The following SCIN variants were observed in gnomAD, a reference collection of about 807,000 sequenced individuals.
SCIN encodes the protein adseverin.
Under a neutral mutation model 91.8 loss-of-function variants are expected in SCIN, and 91 were observed. The ratio of observed to expected loss-of-function variants is 0.99; its 90% CI spans 0.84 to 1.18. The LOEUF is 1.18. Among genes scored for constraint, SCIN ranks in the 50% most tolerant of loss-of-function variants. SCIN has a pLI of 0.00. For synonymous variants in SCIN, 367 were observed against 312.6 expected (o/e 1.17, Z -1.84); for missense variants, 1,087 against 863.9 (o/e 1.26, Z -3.24).
In SCIN at chr7:12,657,211, ATTTTTTTTTTT is replaced by A. The variant is rs57131728; in HGVS notation, c.*4511_*4521del. On this transcript the variant is annotated 3_prime_UTR_variant, in exon 16 of 16. Coordinates refer to ENST00000297029, the MANE Select transcript of SCIN (RefSeq NM_001112706.3). ...TGTGTGTACTAAAGGATATAATATG[ATTTTTTTTTTT>A]TTTTTTTTTTTTTTGAGATAGGTTC... 1.2e-5 allele frequency: 1 copy of A among 82,544 alleles called. No homozygotes were observed. The highest frequency in any genetic ancestry group is 1.7e-4 in the Admixed American group (1 of 6,042). The allele number at this position is 82,544 out of a possible 1,614,324, so 5.1% of individuals were successfully genotyped here.
intron 9 of SCIN, among the ~76,000 whole-genome samples, chr7:12,634,838 A>G (rs1274144152): frequency 1.3e-5 from 2 of 152,174 alleles, no homozygotes; most frequent in African/African-American, 4.8e-5. Flanking sequence ...GGACATGTTG[A>G]TTGACCCTTA....
At chr7:12,630,509 T>G (rs1783619542) in intron 9 of SCIN, among the ~76,000 whole-genome samples, 1 of 152,214 alleles carries the variant, frequency 6.6e-6, no homozygotes, top group African/African-American at 2.4e-5. Context: ...ATCCTGAGAT[T>G]CTAATCTATA....
intron 3 of SCIN, among the ~76,000 whole-genome samples, chr7:12,593,729 T>C (rs1782776493): frequency 6.6e-6 from 1 of 152,102 alleles, no homozygotes; most frequent in African/African-American, 2.4e-5. Context: ...AGTAATCATA[T>C]GGCTACAGTA....
At chr7:12,591,572 G>A (rs1367869564) in intron 3 of SCIN, among the ~76,000 whole-genome samples, 19 of 152,134 alleles carry the variant, frequency 1.2e-4, no homozygotes, top group Admixed American at 5.2e-4. Context: ...AGGTAAGGAC[G>A]GAGCTGACGC....
In SCIN at chr7:12,657,583, T is replaced by A. The variant is rs1233899140; in HGVS notation, c.*4868T>A. 14 of 100,978 alleles carry A rather than the reference T, an allele frequency of 1.4e-4. No individual in the cohort carries two copies. Among genetic ancestry groups the A allele is most frequent in the African/African-American group, 4.9e-4 (10 of 20,558 alleles). The allele number at this position is 100,978 out of a possible 1,614,324, so 6.3% of individuals were successfully genotyped here. A position where few individuals can be genotyped will look rare whatever the true frequency, so the allele number is the denominator to read the frequency against. ...ATATATATATATATATTTTTTTTTT[T>A]TTTTTTTTTTTTTTTGCATTGGCAA... is the stretch of plus-strand genomic sequence containing the variant. On this transcript the variant is annotated 3_prime_UTR_variant, in exon 16 of 16. Coordinates refer to ENST00000297029, the MANE Select transcript of SCIN (RefSeq NM_001112706.3).
intron 3 of SCIN, among the ~76,000 whole-genome samples, chr7:12,581,496 A>G (rs1256136716): frequency 6.6e-6 from 1 of 152,232 alleles, no homozygotes; most frequent in Non-Finnish European, 1.5e-5. Flanking sequence ...CTCTCTGAAC[A>G]GAGCTTCCTC....
At chr7:12,583,413 T>C (rs1782527834) in intron 3 of SCIN, among the ~76,000 whole-genome samples, 5 of 152,188 alleles carry the variant, frequency 3.3e-5, no homozygotes, top group African/African-American at 1.2e-4. Flanking sequence ...CTTTAGAAGG[T>C]ATGTGCAAGT....
rs1278940490 is a variant in SCIN at position 12,581,127 on chromosome 7, A to T, written c.422A>T (p.His141Leu). 6 of 1,551,326 alleles carry T rather than the reference A, an allele frequency of 3.9e-6. No homozygotes were observed. The Admixed American group carries it at 1.2e-4, about 30-fold the overall frequency. The change falls in exon 3 of 16, where the codon CAT (histidine) becomes CTT (leucine). Residue 141 changes from histidine to leucine, a missense_variant. His to Leu is a moderately conservative substitution (Grantham distance 99). Transcript: ENST00000297029. ...TNDLTAKRLL[H>L]VKGRRVVRAT... Reference sequence around the variant, plus strand: ...GACCTGACAGCCAAGAGGCTCCTACATGTGAAGGGTCGTAGAGTGGTGAGA... The same window carrying T: ...GACCTGACAGCCAAGAGGCTCCTACTTGTGAAGGGTCGTAGAGTGGTGAGA...
Position 12,629,183 on chromosome 7 carries a change from T to C in SCIN, c.1280T>C (p.Ile427Thr). 1 of 1,613,408 alleles carries C rather than the reference T, an allele frequency of 6.2e-7. No individual in the cohort carries two copies. Among genetic ancestry groups the C allele is most frequent in the Non-Finnish European group, 8.5e-7 (1 of 1,179,560 alleles). ...GEFYGGDCYI[I>T]LYTYPRGQII... The stretch of plus-strand genomic sequence containing the variant: ...TTCTATGGTGGTGACTGCTACATCA[T>C]ACTCTACACCTATCCCAGAGGACAG... The change falls in exon 9 of 16, where the codon ATA becomes ACA. Residue 427 changes from isoleucine to threonine, a missense_variant. Ile to Thr is a moderately conservative substitution (Grantham distance 89). Coordinates refer to ENST00000297029, the MANE Select transcript of SCIN (RefSeq NM_001112706.3).
At position 12,571,592 on chromosome 7, in the gene SCIN, C is replaced by T. The variant is rs192926901; in HGVS notation, c.199+607C>T. 556 of 468,174 alleles carry T rather than the reference C, an allele frequency of 1.2e-3. 3 individuals are homozygous for T. The highest frequency in any genetic ancestry group is 9.5e-3 in the African/African-American group (474 of 49,896). 29.0% of individuals were successfully genotyped at this position (468,174 alleles called of 1,614,324 possible). A position where few individuals can be genotyped will look rare whatever the true frequency, so the allele number is the denominator to read the frequency against. ...TTGTGGGTCTGGTAGACAAAAACTCCGCTTCATTCGGAAGCTGGCGTCCTC... is the reference window on the plus strand; with the variant it reads ...TTGTGGGTCTGGTAGACAAAAACTCTGCTTCATTCGGAAGCTGGCGTCCTC... On this transcript the variant is annotated intron_variant, in intron 1 of 15. Coordinates refer to ENST00000297029, the MANE Select transcript of SCIN (RefSeq NM_001112706.3).
chr7:12,603,967 G>A (rs1783018061), intron 3 of SCIN, among the ~76,000 whole-genome samples: 1 of 151,824 alleles, frequency 6.6e-6, no homozygotes, highest in South Asian at 2.1e-4. Context: ...TGATATTACT[G>A]GGACAATATC....
intron 3 of SCIN, among the ~76,000 whole-genome samples, chr7:12,585,093 G>C (rs1782559999): frequency 6.6e-6 from 1 of 152,104 alleles, no homozygotes; most frequent in African/African-American, 2.4e-5. Flanking sequence ...CCATTGTCCA[G>C]TCATGCTGCT....
intron 3 of SCIN, among the ~76,000 whole-genome samples, chr7:12,597,018 C>T (rs1782857028): frequency 1.3e-5 from 2 of 152,200 alleles, no homozygotes; most frequent in Non-Finnish European, 2.9e-5. Context: ...CACACCACTC[C>T]ATTCATCTTG....
intron 9 of SCIN, among the ~76,000 whole-genome samples, chr7:12,632,809 C>T (rs1023844915): frequency 6.6e-6 from 1 of 152,214 alleles, no homozygotes; most frequent in African/African-American, 2.4e-5. Context: ...GTAAAAGTTA[C>T]TGTCTTTGGA....
At chr7:12,595,417 T>A (rs528831428) in intron 3 of SCIN, 1 of 135,286 alleles carries the variant, frequency 7.4e-6, no homozygotes, top group Non-Finnish European at 1.5e-5. Flanking sequence ...TAGGCCTAGA[T>A]AAGGATCCAG....
intron 3 of SCIN, among the ~76,000 whole-genome samples, chr7:12,601,657 C>CA (rs68150541): frequency 7.5e-4 from 114 of 151,026 alleles, no homozygotes; most frequent in Admixed American, 4.3e-3. Context: ...TAAAAACAAA[C>CA]AAAAAAAAAT....
chr7:12,594,067 T>C (rs2115235479), intron 3 of SCIN, among the ~76,000 whole-genome samples: 1 of 152,238 alleles, frequency 6.6e-6, no homozygotes, highest in Non-Finnish European at 1.5e-5. Context: ...TCCCCTCAAC[T>C]CCCGCTACTT....
intron 4 of SCIN, among the ~76,000 whole-genome samples, chr7:12,616,481 CT>C (rs1783301724): frequency 6.6e-6 from 1 of 152,090 alleles, no homozygotes; most frequent in African/African-American, 2.4e-5. Context: ...TGATATTGGA[CT>C]TCATAATGTG....
At chr7:12,642,860 G>T (rs147869256) in intron 11 of SCIN, among the ~76,000 whole-genome samples, 2 of 151,930 alleles carry the variant, frequency 1.3e-5, no homozygotes, top group East Asian at 3.9e-4. Context: ...GTTCTTGAGC[G>T]CTCCAAGTCT....
Sources: allele counts gnomAD v4.1 joint callset (sites outside exome capture counted in the v4.1 genomes callset), GRCh38; gene constraint gnomAD v4.1.1; transcripts MANE v1.5; gene names NCBI Gene and HGNC (gene_info 2026-07-23, HGNC 2026-07-21).